ARMH3: variants seen among roughly 807,000 people sequenced by gnomAD.
ARMH3 encodes armadillo like helical domain containing 3.
In ARMH3, 60 loss-of-function variants were observed where a neutral mutation model predicts 99.1. The observed-to-expected ratio is 0.61, with a 90% CI of 0.49 to 0.75. The LOEUF is 0.75. ARMH3 is among the 30% of genes least tolerant of loss of function. The pLI, the probability that ARMH3 is intolerant of heterozygous loss-of-function variation, is 0.00. For missense variants in ARMH3, 679 were observed against 843.1 expected (o/e 0.81, Z 2.41); for synonymous variants, 285 against 292.8 (o/e 0.97, Z 0.27).
chr10:101,933,190 T>C (rs558376636), intron 23 of ARMH3, among the ~76,000 whole-genome samples: 1 of 151,278 alleles, frequency 6.6e-6, no homozygotes, highest in Non-Finnish European at 1.5e-5. Context: ...TATCTCAATT[T>C]AAAAAAAAAT....
At chr10:101,874,579 G>GT (rs2067214897) in intron 24 of ARMH3, among the ~76,000 whole-genome samples, 7 of 152,264 alleles carry the variant, frequency 4.6e-5, no homozygotes, top group Admixed American at 4.6e-4. Flanking sequence ...CTACAGGAAG[G>GT]TTTTTTAGTG....
chr10:101,975,049 T>TA (rs11399489), intron 20 of ARMH3, among the ~76,000 whole-genome samples, 163 bp downstream of exon 20: 13,090 of 29,660 alleles, frequency 0.44, 2,578 homozygotes, highest in East Asian at 0.73. Context: ...AGCTAAAACG[T>TA]AAAAAAAAAA....
At chr10:101,916,822 C>A (rs1051099054) in intron 23 of ARMH3, among the ~76,000 whole-genome samples, 5 of 152,260 alleles carry the variant, frequency 3.3e-5, no homozygotes, top group African/African-American at 1.2e-4. Flanking sequence ...GAACAAAAGG[C>A]AGAGGAAGGG....
intron 1 of ARMH3, among the ~76,000 whole-genome samples, chr10:102,044,275 CCAT>C (rs2067492659): frequency 6.6e-6 from 1 of 151,726 alleles, no homozygotes; most frequent in Non-Finnish European, 1.5e-5. Context: ...CGGAGTTTCA[CCAT>C]GTTAGCCAGG....
At chr10:101,916,627 T>G (rs1418169732) in intron 23 of ARMH3, among the ~76,000 whole-genome samples, 1 of 152,198 alleles carries the variant, frequency 6.6e-6, no homozygotes, top group Non-Finnish European at 1.5e-5. Flanking sequence ...GTTGTAATGG[T>G]TAATTTTATT....
At position 102,023,495 on chromosome 10, in the gene ARMH3, C is replaced by G; in HGVS notation, c.651G>C (p.Val217=). The change falls in exon 8 of 26, where the codon GTG becomes GTC. Residue 217 remains valine (V), a synonymous_variant. Coordinates refer to ENST00000370033, the MANE Select transcript of ARMH3 (RefSeq NM_024541.3). ...CAGTTACCTCATATTTTCTATAGTT[C>G]ACCAGCAAAGCCAAGAGGACGACAG... ...YDAVVLLALL[V]NYRKYESVNP... is the part of the protein sequence containing the mutation. 6.2e-7 allele frequency: 1 copy of G among 1,613,988 alleles called. No individual in the cohort carries two copies. The highest frequency in any genetic ancestry group is 8.5e-7 in the Non-Finnish European group (1 of 1,179,942).
chr10:101,853,179 C>T (rs1484558755), intron 24 of ARMH3, among the ~76,000 whole-genome samples: 1 of 151,880 alleles, frequency 6.6e-6, no homozygotes, highest in Non-Finnish European at 1.5e-5. Flanking sequence ...GCGTGAGTCA[C>T]AGCGCCCGGC....
chr10:101,887,592 C>CTTTTT (rs34624064), intron 24 of ARMH3, among the ~76,000 whole-genome samples: 100 of 96,876 alleles, frequency 1.0e-3, no homozygotes, highest in Non-Finnish European at 1.4e-3. Flanking sequence ...CTCTCTCTCT[C>CTTTTT]TTTTTTTTTT....
intron 22 of ARMH3, among the ~76,000 whole-genome samples, chr10:101,943,445 C>A (rs575396643): frequency 7.2e-4 from 110 of 152,244 alleles, no homozygotes; most frequent in Non-Finnish European, 1.4e-3. Context: ...GACAAATTAG[C>A]CTACATTCAA....
chr10:101,859,226 G>A (rs2066805342), intron 24 of ARMH3, among the ~76,000 whole-genome samples: 1 of 152,166 alleles, frequency 6.6e-6, no homozygotes, highest in Non-Finnish European at 1.5e-5. Flanking sequence ...TTCTAAGACT[G>A]GGAAAATAAG....
chr10:102,047,763 C>G (rs1190906710), intron 1 of ARMH3, among the ~76,000 whole-genome samples: 1 of 152,186 alleles, frequency 6.6e-6, no homozygotes, highest in South Asian at 2.1e-4. Context: ...GCTGGGATTA[C>G]AGGCATAAGC....
intron 1 of ARMH3, among the ~76,000 whole-genome samples, chr10:102,048,169 G>A (rs2067603473): frequency 6.6e-6 from 1 of 152,096 alleles, no homozygotes; most frequent in African/African-American, 2.4e-5. Flanking sequence ...CTCTAAAAAG[G>A]GCGTTGAAGC....
intron 17 of ARMH3, 145 bp downstream of exon 17, chr10:101,993,393 T>C (rs1025534270): frequency 7.8e-6 from 4 of 514,000 alleles, no homozygotes; most frequent in African/African-American, 6.0e-5. Context: ...ACAACAAGCA[T>C]GGGTCTGTTG....
At position 101,975,222 on chromosome 10, in the gene ARMH3, C is replaced by A; in HGVS notation, c.1485G>T (p.Glu495Asp). ...AAGAGAGAAAGTTACCTGACCAGAGCTCCCGCCAGGTGTAATGCAGGCGTA... is the reference window on the plus strand; with the variant it reads ...AAGAGAGAAAGTTACCTGACCAGAGATCCCGCCAGGTGTAATGCAGGCGTA... Reference protein sequence around the residue: ...CRVRLHYTWRELWSALINLLK... With the variant: ...CRVRLHYTWRDLWSALINLLK... Residue 495 changes from glutamate (E) to aspartate (D), a missense_variant, in exon 20 of 26, where the codon GAG becomes GAT. By Grantham distance (45) the Glu-to-Asp change is conservative. This residue lies in a region of ARMH3 where 389 missense variants were observed against 456.5 expected (regional missense o/e 0.85). Transcript: ENST00000370033. 1 of 1,612,082 alleles carries A rather than the reference C, an allele frequency of 6.2e-7. No homozygotes were observed.
chr10:101,985,962 G>A (rs1467503047), intron 19 of ARMH3, among the ~76,000 whole-genome samples: 3 of 151,916 alleles, frequency 2.0e-5, no homozygotes, highest in Non-Finnish European at 4.4e-5. Context: ...AGGTTGCAGT[G>A]AGCCAAGATC....
At chr10:101,998,436 C>T (rs1847158806) in intron 15 of ARMH3, among the ~76,000 whole-genome samples, 2 of 152,208 alleles carry the variant, frequency 1.3e-5, no homozygotes, top group African/African-American at 4.8e-5. Context: ...ACATGGACTA[C>T]TTAAATCTAT....
intron 23 of ARMH3, among the ~76,000 whole-genome samples, chr10:101,934,027 G>A (rs1271747968): frequency 1.3e-5 from 2 of 152,184 alleles, no homozygotes; most frequent in Admixed American, 6.5e-5. Flanking sequence ...AAGTTGGGGA[G>A]ACCTCACATC....
intron 13 of ARMH3, among the ~76,000 whole-genome samples, chr10:102,007,125 C>A (rs1413958995): frequency 7.7e-6 from 1 of 129,206 alleles, no homozygotes; most frequent in African/African-American, 2.9e-5. Context: ...CACGCCACTG[C>A]ACTCCAGCCT....
At chr10:102,053,726 C>T (rs1201141258) in intron 1 of ARMH3, among the ~76,000 whole-genome samples, 1 of 151,378 alleles carries the variant, frequency 6.6e-6, no homozygotes, top group Admixed American at 6.6e-5. Flanking sequence ...GTGGCACCAT[C>T]CCGGCTCACT....
Sources: gnomAD v4.1 joint callset for allele counts (sites outside exome capture counted in the v4.1 genomes callset) on GRCh38, gnomAD v4.1.1 for gene constraint, gnomAD v4.1.1 regional missense constraint, MANE v1.5 for transcripts, NCBI Gene and HGNC (gene_info 2026-07-23, HGNC 2026-07-21) for gene names.